Variants in AKAP19 observed in about 807,000 individuals in gnomAD.
AKAP19 encodes small A-kinase anchoring protein.
At chr2:190,016,157 C>T in the AKAP19 span, among the ~76,000 whole-genome samples, 3 of 152,200 alleles carry the variant, frequency 2.0e-5, no homozygotes, top group Non-Finnish European at 4.4e-5. Context: ...ATCTCTATAG[C>T]AGCACCCCAC....
At chr2:190,191,136 A>G in the AKAP19 span, among the ~76,000 whole-genome samples, 1 of 151,752 alleles carries the variant, frequency 6.6e-6, no homozygotes, top group Non-Finnish European at 1.5e-5. Flanking sequence ...TTTGCATACA[A>G]TTTTTTTTCT....
At chr2:189,948,287 G>A in the AKAP19 span, among the ~76,000 whole-genome samples, 1 of 152,090 alleles carries the variant, frequency 6.6e-6, no homozygotes, top group East Asian at 1.9e-4. Flanking sequence ...ACCAAGCCTT[G>A]TTACAGATTC....
At chr2:190,126,077 G>T in the AKAP19 span, among the ~76,000 whole-genome samples, 1 of 151,632 alleles carries the variant, frequency 6.6e-6, no homozygotes, top group African/African-American at 2.4e-5. Context: ...CAGATCATGA[G>T]GTCAGAAGAT....
the AKAP19 span, among the ~76,000 whole-genome samples, chr2:189,964,667 T>C: frequency 6.6e-6 from 1 of 152,236 alleles, no homozygotes; most frequent in Admixed American, 6.5e-5. Context: ...TTTTATGTTA[T>C]GGATATGGCT....
At chr2:190,157,945 C>T in the AKAP19 span, among the ~76,000 whole-genome samples, 1 of 152,192 alleles carries the variant, frequency 6.6e-6, no homozygotes, top group Admixed American at 6.5e-5. Flanking sequence ...GGCAGCCCGG[C>T]GCCAGGCCCA....
the AKAP19 span, among the ~76,000 whole-genome samples, chr2:189,996,629 T>C: frequency 6.6e-6 from 1 of 152,220 alleles, no homozygotes; most frequent in Non-Finnish European, 1.5e-5. Flanking sequence ...GATTTATTGA[T>C]AGGGAGCTAG....
the AKAP19 span, among the ~76,000 whole-genome samples, chr2:190,162,688 C>G: frequency 6.6e-6 from 1 of 152,030 alleles, no homozygotes. Flanking sequence ...TATTTAAGAG[C>G]CTTATTTAAG....
the AKAP19 span, among the ~76,000 whole-genome samples, chr2:190,002,554 TA>T: frequency 1.3e-5 from 2 of 151,698 alleles, no homozygotes; most frequent in Admixed American, 1.3e-4. Context: ...ATAATAAATT[TA>T]AAAAAAGAAA....
At chr2:190,160,225 G>A in the AKAP19 span, among the ~76,000 whole-genome samples, 2 of 152,094 alleles carry the variant, frequency 1.3e-5, no homozygotes, top group Non-Finnish European at 2.9e-5. Context: ...TCTCAGAATA[G>A]GTAAATAACA....
chr2:190,057,111 C>T, the AKAP19 span: 97 of 759,672 alleles, frequency 1.3e-4, 2 homozygotes, highest in East Asian at 1.2e-3. Context: ...ATATATTCCC[C>T]CTTTTAGTTT....
the AKAP19 span, among the ~76,000 whole-genome samples, chr2:190,149,682 G>C: frequency 6.6e-6 from 1 of 152,170 alleles, no homozygotes; most frequent in Non-Finnish European, 1.5e-5. Context: ...TGGTCTCAGA[G>C]AGTGCTTGAT....
At chr2:190,016,106 G>T in the AKAP19 span, among the ~76,000 whole-genome samples, 4 of 152,118 alleles carry the variant, frequency 2.6e-5, no homozygotes, top group African/African-American at 9.7e-5. Context: ...TCCAACCTCT[G>T]CGTGTTACCC....
chr2:190,110,691 C>T, the AKAP19 span, among the ~76,000 whole-genome samples: 1 of 152,154 alleles, frequency 6.6e-6, no homozygotes, highest in African/African-American at 2.4e-5. Flanking sequence ...TTTATTATCA[C>T]AGATTTACCT....
the AKAP19 span, among the ~76,000 whole-genome samples, chr2:190,003,729 T>C: frequency 5.3e-5 from 8 of 152,116 alleles, no homozygotes; most frequent in African/African-American, 1.9e-4. Context: ...CTGGGTGTGG[T>C]GGTACGCGTC....
the AKAP19 span, among the ~76,000 whole-genome samples, chr2:190,187,875 T>G: frequency 6.6e-6 from 1 of 152,154 alleles, no homozygotes; most frequent in Admixed American, 6.5e-5. Flanking sequence ...GGTGGGTAGC[T>G]GCAGTAAATC....
chr2:190,062,931 C>T, the AKAP19 span, among the ~76,000 whole-genome samples: 273 of 152,152 alleles, frequency 1.8e-3, 2 homozygotes, highest in African/African-American at 6.3e-3. Context: ...AATAAATCTA[C>T]AAATAATAAA....
chr2:189,976,204 T>C, the AKAP19 span, among the ~76,000 whole-genome samples: 1 of 152,206 alleles, frequency 6.6e-6, no homozygotes, highest in Non-Finnish European at 1.5e-5. Context: ...ACAGTCAGGA[T>C]CCTCCACTGC....
the AKAP19 span, among the ~76,000 whole-genome samples, chr2:189,988,365 T>G: frequency 3.3e-5 from 5 of 152,346 alleles, no homozygotes; most frequent in South Asian, 1.0e-3. Context: ...ATTGTTAATA[T>G]TTAGAATTCC....
At chr2:190,147,854 C>T in the AKAP19 span, among the ~76,000 whole-genome samples, 190 of 152,124 alleles carry the variant, frequency 1.2e-3, 1 homozygote, top group African/African-American at 4.4e-3. Context: ...TGTGTACATT[C>T]ATCTTGTATC....
Sources: allele counts gnomAD v4.1 joint callset (sites outside exome capture counted in the v4.1 genomes callset), GRCh38; gene constraint gnomAD v4.1.1; transcripts MANE v1.5; gene names NCBI Gene and HGNC (gene_info 2026-07-23, HGNC 2026-07-21).